ZFP1: variants seen among roughly 807,000 people sequenced by gnomAD.
The protein encoded by ZFP1 is zinc finger protein 1 homolog.
Under a neutral mutation model 38.5 loss-of-function variants are expected in ZFP1, and 32 were observed. That is an observed-to-expected ratio of 0.83 (90% CI 0.63 to 1.12). The LOEUF (loss-of-function observed/expected upper bound fraction) is 1.12, where lower values mean the gene tolerates loss of function less well. Ranked by LOEUF, ZFP1 falls within the 50% of genes most tolerant of loss-of-function variation. The pLI is 0.00. For synonymous variants in ZFP1, 245 were observed against 168.8 expected, an observed-to-expected ratio of 1.45 and a Z score of -3.50; for missense variants, 616 against 480.8, an observed-to-expected ratio of 1.28 and a Z score of -2.63.
At chr16:75,159,787 G>A (rs2037673509) in intron 2 of ZFP1, among the ~76,000 whole-genome samples, 1 of 152,172 alleles carries the variant, frequency 6.6e-6, no homozygotes, top group South Asian at 2.1e-4. Context: ...TCTAAAAAAT[G>A]TTAAGTTTTG....
the ZFP1 span, among the ~76,000 whole-genome samples, chr16:75,120,356 A>G: frequency 6.6e-6 from 1 of 152,316 alleles, no homozygotes; most frequent in East Asian, 1.9e-4. Context: ...AGTTTATAAT[A>G]GCTGGGGTTC....
chr16:75,135,659 A>G, the ZFP1 span, among the ~76,000 whole-genome samples: 1 of 152,204 alleles, frequency 6.6e-6, no homozygotes, highest in Non-Finnish European at 1.5e-5. Context: ...AGGGATAAAT[A>G]ATGAAGAACA....
chr16:75,169,222 A>G, intron 3 of ZFP1, 31 bp from the exon 4 acceptor site: 1 of 1,566,660 alleles, frequency 6.4e-7, no homozygotes, highest in South Asian at 1.2e-5. Context: ...GGCATTGACA[A>G]GGTTCTTTTC....
At chr16:75,124,874 T>TTC in the ZFP1 span, among the ~76,000 whole-genome samples, 1 of 151,212 alleles carries the variant, frequency 6.6e-6, no homozygotes, top group African/African-American at 2.4e-5. Context: ...TTTTTTTTTT[T>TTC]TTTTGGTAAG....
At chr16:75,136,194 C>T in the ZFP1 span, among the ~76,000 whole-genome samples, 1 of 152,122 alleles carries the variant, frequency 6.6e-6, no homozygotes, top group African/African-American at 2.4e-5. Context: ...GAGAATCTAA[C>T]TTTTTCTTTC....
the ZFP1 span, among the ~76,000 whole-genome samples, chr16:75,124,469 A>C: frequency 6.8e-6 from 1 of 147,774 alleles, no homozygotes; most frequent in Non-Finnish European, 1.5e-5. Flanking sequence ...TTCAAAGCTA[A>C]TTTAAAGGTC....
At chr16:75,129,728 A>G in the ZFP1 span, among the ~76,000 whole-genome samples, 106,222 of 152,134 alleles carry the variant, frequency 0.7, 39,073 homozygotes, top group Non-Finnish European at 0.82. Context: ...GGCACATGTC[A>G]CCAAGACCTC....
chr16:75,122,347 A>G, the ZFP1 span, among the ~76,000 whole-genome samples: 6 of 152,234 alleles, frequency 3.9e-5, no homozygotes, highest in African/African-American at 1.4e-4. Flanking sequence ...AAGGGCGGTT[A>G]CAGAACAGTT....
the ZFP1 span, among the ~76,000 whole-genome samples, chr16:75,122,605 C>G: frequency 6.6e-6 from 1 of 152,220 alleles, no homozygotes; most frequent in Non-Finnish European, 1.5e-5. Flanking sequence ...TTTAACAAAT[C>G]TTTAATAAAT....
In ZFP1 at chr16:75,170,525, A is replaced by G. The variant is rs895920343; in HGVS notation, c.*191A>G. On this transcript the variant is annotated 3_prime_UTR_variant, in exon 4 of 4. Coordinates refer to ENST00000570010, the MANE Select transcript of ZFP1 (RefSeq NM_153688.4). Reference sequence around the variant, plus strand: ...TACATGTGATACCCAGCTAAAGAATACATATCAGAATATATCCAGTTGTAA... The same window carrying G: ...TACATGTGATACCCAGCTAAAGAATGCATATCAGAATATATCCAGTTGTAA... 1 of 809,696 alleles carries G rather than the reference A, an allele frequency of 1.2e-6. No homozygotes were observed. Among genetic ancestry groups the G allele is most frequent in the African/African-American group, 1.7e-5 (1 of 58,358 alleles). 50.2% of individuals were successfully genotyped at this position (809,696 alleles called of 1,614,324 possible). A position where few individuals can be genotyped will look rare whatever the true frequency, so the allele number is the denominator to read the frequency against.
intron 2 of ZFP1, among the ~76,000 whole-genome samples, chr16:75,166,107 T>C (rs2038066667): frequency 6.6e-6 from 1 of 152,194 alleles, no homozygotes; most frequent in African/African-American, 2.4e-5. Flanking sequence ...TCTTCTGCCT[T>C]AAAGAGTTAA....
rs908914473 is a variant in ZFP1, at chr16:75,171,015, A to T, written c.*681A>T. ...GATTTTCTAGAAGCACTATTTACACAAATATGCAAATGTGAAATAACCGAT... is the reference window on the plus strand; with the variant it reads ...GATTTTCTAGAAGCACTATTTACACTAATATGCAAATGTGAAATAACCGAT... On this transcript the variant is annotated 3_prime_UTR_variant, in exon 4 of 4. Transcript: ENST00000570010. The T allele has an allele frequency of 6.8e-5, 1 of 14,676 alleles. No homozygotes were observed. Among genetic ancestry groups the T allele is most frequent in the Non-Finnish European group, 3.4e-4 (1 of 2,936 alleles). The allele number at this position is 14,676 out of a possible 1,614,324, so 0.9% of individuals were successfully genotyped here. A position where few individuals can be genotyped will look rare whatever the true frequency, so the allele number is the denominator to read the frequency against.
chr16:75,148,103 C>T (rs1490935751), upstream of ZFP1, among the ~76,000 whole-genome samples: 1 of 152,114 alleles, frequency 6.6e-6, no homozygotes, highest in Non-Finnish European at 1.5e-5. Context: ...ACCTTTATGG[C>T]CAGTTTTGTA....
At chr16:75,122,628 T>C in the ZFP1 span, among the ~76,000 whole-genome samples, 7 of 152,240 alleles carry the variant, frequency 4.6e-5, no homozygotes, top group Non-Finnish European at 1.5e-5. Context: ...GACATTAATA[T>C]TGGTTTAATA....
intron 2 of ZFP1, among the ~76,000 whole-genome samples, chr16:75,155,338 C>T (rs932314213): frequency 5.9e-5 from 9 of 152,118 alleles, no homozygotes; most frequent in African/African-American, 1.7e-4. Flanking sequence ...TTTGCCCTGT[C>T]GCTCAGGCTC....
rs2038376147 is a variant in ZFP1, at chr16:75,170,659, G to C, written c.*325G>C. The C allele has an allele frequency of 4.7e-6, 1 of 210,764 alleles. No individual in the cohort carries two copies. Among genetic ancestry groups the C allele is most frequent in the Non-Finnish European group, 9.4e-6 (1 of 106,152 alleles). The allele number at this position is 210,764 out of a possible 1,614,324, so 13.1% of individuals were successfully genotyped here. On this transcript the variant is annotated 3_prime_UTR_variant, in exon 4 of 4. Coordinates refer to ENST00000570010, the MANE Select transcript of ZFP1 (RefSeq NM_153688.4). The stretch of plus-strand genomic sequence containing the variant: ...CAAACAGTATCCTATGAATTTAGTG[G>C]TTTTATGTGGATATGCCACAAAACA...
chr16:75,166,762 C>CA lies in ZFP1; in HGVS notation c.16-7dup, dbSNP rs1301944284. The CA allele has an allele frequency of 1.2e-6, 2 of 1,613,968 alleles. No individual in the cohort carries two copies. Among genetic ancestry groups the CA allele is most frequent in the East Asian group, 4.5e-5 (2 of 44,876 alleles). On this transcript the variant is annotated splice_region_variant and splice_polypyrimidine_tract_variant and intron_variant, in intron 2 of 3. Transcript: ENST00000570010. ...CATCTTAGGATGAATAACAATATGCCATTTCAGGGATCAGTTTCATTCACG... is the reference window on the plus strand; with the variant it reads ...CATCTTAGGATGAATAACAATATGCCAATTTCAGGGATCAGTTTCATTCACG...
upstream of ZFP1, among the ~76,000 whole-genome samples, chr16:75,144,607 A>C (rs1383800058): frequency 6.6e-6 from 1 of 152,230 alleles, no homozygotes; most frequent in Non-Finnish European, 1.5e-5. Flanking sequence ...GTACACTCAC[A>C]TCACAATGTT....
chr16:75,147,398 C>T (rs1286669958), upstream of ZFP1, among the ~76,000 whole-genome samples: 1 of 152,026 alleles, frequency 6.6e-6, no homozygotes, highest in Admixed American at 6.6e-5. Flanking sequence ...CCACCTCAGC[C>T]TCCCGAGTAG....
Sources: gnomAD v4.1 joint callset for allele counts (sites outside exome capture counted in the v4.1 genomes callset) on GRCh38, gnomAD v4.1.1 for gene constraint, MANE v1.5 for transcripts, NCBI Gene and HGNC (gene_info 2026-07-23, HGNC 2026-07-21) for gene names.